SGCZ: variants seen among roughly 807,000 people sequenced by gnomAD.
SGCZ encodes the protein zeta-sarcoglycan.
Under a neutral mutation model 41.3 loss-of-function variants are expected in SGCZ, and 40 were observed. That is an observed-to-expected ratio of 0.97 (90% CI 0.75 to 1.26). The LOEUF (loss-of-function observed/expected upper bound fraction) is 1.26. Ranked by LOEUF, SGCZ falls within the 50% of genes most tolerant of loss-of-function variation. The pLI is 0.00. For synonymous variants in SGCZ, 206 were observed against 137.5 expected, an observed-to-expected ratio of 1.50 and a Z score of -3.49; for missense variants, 552 against 369.8, an observed-to-expected ratio of 1.49 and a Z score of -4.04.
intron 2 of SGCZ, among the ~76,000 whole-genome samples, chr8:14,331,991 T>G (rs932025537): frequency 6.6e-6 from 1 of 151,920 alleles, no homozygotes; most frequent in Non-Finnish European, 1.5e-5. Flanking sequence ...AATATATTTA[T>G]GAATAAATAT....
At chr8:14,769,175 G>C (rs1037752410) in intron 1 of SGCZ, among the ~76,000 whole-genome samples, 2 of 152,196 alleles carry the variant, frequency 1.3e-5, no homozygotes, top group East Asian at 3.9e-4. Context: ...GGGAAAAACA[G>C]ATGGAGAAAG....
At chr8:15,133,044 G>A (rs997374326) in intron 1 of SGCZ, among the ~76,000 whole-genome samples, 1 of 152,102 alleles carries the variant, frequency 6.6e-6, no homozygotes, top group Non-Finnish European at 1.5e-5. Flanking sequence ...TTGAGAGGCT[G>A]AGGTAGGAGG....
intron 2 of SGCZ, among the ~76,000 whole-genome samples, chr8:14,419,943 C>G (rs76262311): frequency 6.6e-6 from 1 of 152,126 alleles, no homozygotes; most frequent in South Asian, 2.1e-4. Context: ...CATTACAGAA[C>G]AATGGTTTAT....
At chr8:14,105,965 A>G (rs966788523) in intron 6 of SGCZ, among the ~76,000 whole-genome samples, 1 of 152,166 alleles carries the variant, frequency 6.6e-6, no homozygotes, top group East Asian at 1.9e-4. Context: ...ATGTATTTTA[A>G]GTTTATTGAA....
intron 1 of SGCZ, among the ~76,000 whole-genome samples, chr8:15,040,108 C>T (rs1167313956): frequency 1.3e-5 from 2 of 152,184 alleles, no homozygotes; most frequent in African/African-American, 4.8e-5. Flanking sequence ...TTACACAAGA[C>T]CATGAGACAG....
At chr8:14,996,267 T>C (rs1183762108) in intron 1 of SGCZ, among the ~76,000 whole-genome samples, 2 of 152,184 alleles carry the variant, frequency 1.3e-5, no homozygotes, top group Non-Finnish European at 2.9e-5. Context: ...AATGCAGCAT[T>C]CTGAACCGCA....
chr8:14,982,208 A>T (rs568246314), intron 1 of SGCZ, among the ~76,000 whole-genome samples: 17 of 152,174 alleles, frequency 1.1e-4, no homozygotes, highest in African/African-American at 3.4e-4. Context: ...ATTAAGACTG[A>T]AATGGATCAT....
At chr8:14,706,116 C>A (rs1002984672) in intron 1 of SGCZ, among the ~76,000 whole-genome samples, 1 of 151,964 alleles carries the variant, frequency 6.6e-6, no homozygotes, top group Non-Finnish European at 1.5e-5. Flanking sequence ...TTTTCCCCCC[C>A]ATGGTCTAAT....
intron 1 of SGCZ, among the ~76,000 whole-genome samples, chr8:15,193,894 A>C (rs1800625004): frequency 6.6e-6 from 1 of 152,100 alleles, no homozygotes; most frequent in Non-Finnish European, 1.5e-5. Context: ...GCAAAATACG[A>C]GCAATTGCCT....
intron 1 of SGCZ, among the ~76,000 whole-genome samples, chr8:15,077,072 G>C (rs906703899): frequency 2.6e-5 from 4 of 152,110 alleles, no homozygotes; most frequent in Admixed American, 2.6e-4. Context: ...TAGATGACTT[G>C]TTTGGAATAT....
intron 1 of SGCZ, among the ~76,000 whole-genome samples, chr8:14,689,230 T>A (rs868429428): frequency 6.6e-6 from 1 of 152,254 alleles, no homozygotes. Context: ...TTTAAAAATC[T>A]ATATAGCTTT....
At chr8:14,861,063 C>CAA (rs1803730697) in intron 1 of SGCZ, among the ~76,000 whole-genome samples, 1 of 152,124 alleles carries the variant, frequency 6.6e-6, no homozygotes, top group Non-Finnish European at 1.5e-5. Context: ...GCTCACGATG[C>CAA]TTGAGAGTTG....
In SGCZ at chr8:15,180,082, T is replaced by A. The variant is rs145755484; in HGVS notation, c.39+57503A>T. Among the ~76,000 whole-genome samples the A allele has an allele frequency of 2.6e-4, 39 of 152,310 alleles. No individual in the cohort carries two copies. The East Asian group carries it at 7.1e-3, about 28-fold the overall frequency. On this transcript the variant is annotated intron_variant, in intron 1 of 7. Coordinates refer to ENST00000382080, the MANE Select transcript of SGCZ (RefSeq NM_139167.4). Reference sequence around the variant, plus strand: ...AGAAGGTTGCTTTTCTAGATTCCTCTTATCGTTCCTACATCCATGCAAGTC... The same window carrying A: ...AGAAGGTTGCTTTTCTAGATTCCTCATATCGTTCCTACATCCATGCAAGTC...
chr8:14,869,372 T>C (rs540416677), intron 1 of SGCZ, among the ~76,000 whole-genome samples: 2 of 152,244 alleles, frequency 1.3e-5, no homozygotes, highest in East Asian at 3.9e-4. Flanking sequence ...GAAAAATCCT[T>C]CGATGAAATT....
chr8:15,182,442 C>T (rs1054071751), intron 1 of SGCZ, among the ~76,000 whole-genome samples: 8 of 152,158 alleles, frequency 5.3e-5, no homozygotes, highest in African/African-American at 1.9e-4. Context: ...ATAAATGGTA[C>T]AGCCTATTAC....
In SGCZ at chr8:14,815,431, G is replaced by C. The variant is rs1451365584; in HGVS notation, c.40-260505C>G. On this transcript the variant is annotated intron_variant, in intron 1 of 7. Coordinates refer to ENST00000382080, the MANE Select transcript of SGCZ (RefSeq NM_139167.4). The stretch of plus-strand genomic sequence containing the variant: ...ATAACTACTTACTTCAAAACAAAAG[G>C]GACTAGATGGATGTAGAGATGGGAG... Among the ~76,000 whole-genome samples, 3 of 151,248 alleles carry C rather than the reference G, an allele frequency of 2.0e-5. No homozygotes were observed. The East Asian group carries it at 5.9e-4, about 30-fold the overall frequency.
At chr8:14,102,232 CTAA>C in intron 7 of SGCZ, 141 bp downstream of exon 7, 1 of 927,776 alleles carries the variant, frequency 1.1e-6, no homozygotes, top group South Asian at 4.3e-5. Context: ...ATATGGTAAC[CTAA>C]TATTACTTTC....
intron 1 of SGCZ, among the ~76,000 whole-genome samples, chr8:15,192,834 A>G (rs1800585433): frequency 6.6e-6 from 1 of 152,130 alleles, no homozygotes; most frequent in Admixed American, 6.5e-5. Flanking sequence ...TCACTCCAAG[A>G]AAACAAAAGC....
chr8:15,208,900 T>C (rs1393188519), intron 1 of SGCZ, among the ~76,000 whole-genome samples: 1 of 129,264 alleles, frequency 7.7e-6, no homozygotes, highest in African/African-American at 2.8e-5. Flanking sequence ...TATACATATA[T>C]ATAGAGAGAG....
Sources: allele counts gnomAD v4.1 joint callset (sites outside exome capture counted in the v4.1 genomes callset), GRCh38; gene constraint gnomAD v4.1.1; transcripts MANE v1.5; gene names NCBI Gene and HGNC (gene_info 2026-07-23, HGNC 2026-07-21).